Variants in MTREX observed in about 807,000 individuals in gnomAD.
The protein encoded by MTREX is exosome RNA helicase MTR4.
In MTREX, 76 loss-of-function variants were observed where a neutral mutation model predicts 135.4. The observed-to-expected ratio is 0.56, with a 90% confidence interval of 0.47 to 0.68. MTREX has a LOEUF of 0.68. MTREX is among the 30% of genes least tolerant of loss of function. The pLI is 0.00. For synonymous variants in MTREX, 404 were observed against 401.6 expected, an observed-to-expected ratio of 1.01 and a Z score of -0.07; for missense variants, 920 against 1,262.1, an observed-to-expected ratio of 0.73 and a Z score of 4.11.
Position 55,343,370 on chromosome 5 carries a change from C to G in MTREX, c.821C>G (p.Pro274Arg), listed in dbSNP as rs760559056. 3 of 1,612,714 alleles carry G rather than the reference C, an allele frequency of 1.9e-6. No homozygotes were observed. The highest frequency in any genetic ancestry group is 2.5e-6 in the Non-Finnish European group (3 of 1,179,042). The change falls in exon 8 of 27, where the codon CCT becomes CGT. Residue 274 changes from proline to arginine, a missense_variant. By Grantham distance (103) the Pro-to-Arg change is moderately radical. Transcript: ENST00000230640. ...VVWEETIILL[P>R]DNVHYVFLSA... ...TGGGAAGAAACTATTATTTTGCTTC[C>G]TGATAACGTCCACTATGTCTTTCTT...
At chr5:55,414,322 A>G in intron 24 of MTREX, 84 bp downstream of exon 24, 2 of 1,098,266 alleles carry the variant, frequency 1.8e-6, no homozygotes, top group East Asian at 5.5e-5. Flanking sequence ...ATCTAATCAT[A>G]GTAGTTTATC....
chr5:55,361,390 G>A (rs1048361151), intron 15 of MTREX, among the ~76,000 whole-genome samples: 6 of 152,126 alleles, frequency 3.9e-5, no homozygotes, highest in African/African-American at 1.4e-4. Context: ...AAATACATGT[G>A]TTTGTTGCTG....
intron 1 of MTREX, among the ~76,000 whole-genome samples, chr5:55,312,714 C>T (rs1488073880): frequency 2.0e-5 from 3 of 152,146 alleles, no homozygotes; most frequent in Non-Finnish European, 2.9e-5. Flanking sequence ...TTTATACCTC[C>T]ATCTGTTACT....
chr5:55,381,141 T>C (rs1018260627), intron 18 of MTREX, among the ~76,000 whole-genome samples: 1 of 152,174 alleles, frequency 6.6e-6, no homozygotes, highest in Non-Finnish European at 1.5e-5. Flanking sequence ...TCTGACCTAG[T>C]AGTTTAAATC....
intron 5 of MTREX, among the ~76,000 whole-genome samples, chr5:55,339,066 A>G (rs1452389795): frequency 2.0e-5 from 3 of 152,062 alleles, no homozygotes; most frequent in Non-Finnish European, 4.4e-5. Context: ...TGCTAGGATT[A>G]TAGGTGTGAG....
intron 1 of MTREX, among the ~76,000 whole-genome samples, chr5:55,309,152 A>C (rs1476099164): frequency 6.6e-6 from 1 of 152,150 alleles, no homozygotes; most frequent in Non-Finnish European, 1.5e-5. Flanking sequence ...AATGGTGCCA[A>C]GTTTGTTTGT....
At position 55,358,584 on chromosome 5, in the gene MTREX, T is replaced by G. The variant is rs1008689939; in HGVS notation, c.1545T>G (p.Gly515=). The change falls in exon 15 of 27, where the codon GGT becomes GGG. Residue 515 remains glycine (G), a synonymous_variant. Coordinates refer to ENST00000230640, the MANE Select transcript of MTREX (RefSeq NM_015360.5). ...CTATGTTCATTCAGATTTCTTCTGG[T>G]GAATACATTCAGATGTCTGGTCGTG... ...DGKDFRWISS[G]EYIQMSGRAG... 3.7e-6 allele frequency: 6 copies of G among 1,602,800 alleles called. No individual in the cohort carries two copies. The highest frequency in any genetic ancestry group is 5.1e-6 in the Non-Finnish European group (6 of 1,177,136).
chr5:55,310,898 C>T (rs1216923530), intron 1 of MTREX, among the ~76,000 whole-genome samples: 1 of 152,152 alleles, frequency 6.6e-6, no homozygotes, highest in Non-Finnish European at 1.5e-5. Context: ...CCACCTCAGC[C>T]TCCTGAATAG....
chr5:55,400,198 A>G (rs1237625477), intron 20 of MTREX, 35 bp from the exon 21 acceptor site: 12 of 1,490,526 alleles, frequency 8.1e-6, no homozygotes, highest in East Asian at 2.3e-5. Context: ...AATTTTGACT[A>G]TAAGATGAAA....
In MTREX at chr5:55,400,438, G is replaced by A. The variant is rs781635083; in HGVS notation, c.2481+17G>A. The A allele has an allele frequency of 1.7e-4, 258 of 1,534,886 alleles. No homozygotes were observed. Among genetic ancestry groups the A allele is most frequent in the Non-Finnish European group, 2.1e-4 (243 of 1,130,750 alleles). Reference sequence around the variant, plus strand: ...AAAGCACAGGTATGGCAGAAATTTGGTTTTTATAGTAGAATTCTATATGTT... The same window carrying A: ...AAAGCACAGGTATGGCAGAAATTTGATTTTTATAGTAGAATTCTATATGTT... On this transcript the variant is annotated intron_variant, in intron 21 of 26. Transcript: ENST00000230640.
chr5:55,372,892 ATGTGTGTGTGTGTGTGTGTGTGTG>A (rs59026723), intron 16 of MTREX, among the ~76,000 whole-genome samples: 5 of 120,990 alleles, frequency 4.1e-5, no homozygotes, highest in South Asian at 2.9e-4. Flanking sequence ...TAAAACTGTA[ATGTGTGTGTGTGTGTGTGTGTGTG>A]TGTGTGTGTG....
At position 55,322,654 on chromosome 5, in the gene MTREX, G is replaced by A. The variant is rs112561024; in HGVS notation, c.272+190G>A. ...AGTTTGGGGAGTTGGAAAGCAATAT[G>A]GAAAATACTCATCTTTTAATACTTT... is the stretch of plus-strand genomic sequence containing the variant. On this transcript the variant is annotated intron_variant, in intron 2 of 26. Transcript: ENST00000230640. 6.1e-3 allele frequency among the ~76,000 whole-genome samples: 933 copies of A among 152,184 alleles called. 8 individuals carry two copies. The highest frequency in any genetic ancestry group is 0.022 in the African/African-American group (897 of 41,520).
chr5:55,343,230 C>T, intron 7 of MTREX, 101 bp from the exon 8 acceptor site: 1 of 1,052,604 alleles, frequency 9.5e-7, no homozygotes, highest in South Asian at 1.8e-5. Flanking sequence ...GTAAAGTCTG[C>T]ATTTCTAACT....
At chr5:55,409,741 C>T (rs1465427577) in intron 22 of MTREX, among the ~76,000 whole-genome samples, 1 of 152,140 alleles carries the variant, frequency 6.6e-6, no homozygotes, top group Non-Finnish European at 1.5e-5. Flanking sequence ...AAGAAACAGA[C>T]GTAGTGATGA....
At chr5:55,352,575 T>C (rs1749846718) in intron 13 of MTREX, among the ~76,000 whole-genome samples, 1 of 152,262 alleles carries the variant, frequency 6.6e-6, no homozygotes, top group African/African-American at 2.4e-5. Context: ...TATTATATAA[T>C]TTCATCATAT....
intron 4 of MTREX, 28 bp from the exon 5 acceptor site, chr5:55,328,671 T>C: frequency 1.4e-6 from 2 of 1,456,526 alleles, no homozygotes; most frequent in Non-Finnish European, 1.9e-6. Context: ...GATGTTTTTA[T>C]GCAGATATTA....
At chr5:55,340,652 G>C (rs1470778708) in intron 6 of MTREX, among the ~76,000 whole-genome samples, 1 of 152,154 alleles carries the variant, frequency 6.6e-6, no homozygotes, top group Non-Finnish European at 1.5e-5. Flanking sequence ...TGCAACCTCT[G>C]CTCACTGCAA....
intron 5 of MTREX, among the ~76,000 whole-genome samples, chr5:55,338,298 T>C (rs1047379935): frequency 1.3e-5 from 2 of 152,150 alleles, no homozygotes; most frequent in Non-Finnish European, 2.9e-5. Context: ...CGATTTTTTT[T>C]CCCCTTCAAC....
chr5:55,363,781 C>G (rs1276688099), intron 15 of MTREX, among the ~76,000 whole-genome samples: 1 of 152,160 alleles, frequency 6.6e-6, no homozygotes, highest in Non-Finnish European at 1.5e-5. Context: ...GTTCCCTGCA[C>G]CTCTCTAAGC....
Sources: allele counts gnomAD v4.1 joint callset (sites outside exome capture counted in the v4.1 genomes callset), GRCh38; gene constraint gnomAD v4.1.1; transcripts MANE v1.5; gene names NCBI Gene and HGNC (gene_info 2026-07-23, HGNC 2026-07-21).